The following BRD8 variants were observed in gnomAD, a reference collection of about 807,000 sequenced individuals.
The protein encoded by BRD8 is bromodomain containing 8, also known as bromodomain-containing protein 8.
A neutral mutation model predicts 143.1 loss-of-function variants in BRD8; 67 were observed. That is an observed-to-expected ratio of 0.47 (90% CI 0.38 to 0.57). BRD8 has a LOEUF of 0.57. Among genes scored for constraint, BRD8 ranks in the 20% least tolerant of loss-of-function variants. BRD8 has a pLI of 0.00. For synonymous variants in BRD8, 505 were observed against 517.1 expected, an observed-to-expected ratio of 0.98 and a Z score of 0.32; for missense variants, 1,103 against 1,503.0, an observed-to-expected ratio of 0.73 and a Z score of 4.40.
At chr5:138,142,760 A>G (rs1239142967) in intron 25 of BRD8, among the ~76,000 whole-genome samples, 2 of 52,964 alleles carry the variant, frequency 3.8e-5, no homozygotes, top group Non-Finnish European at 8.7e-5. Flanking sequence ...AGACTGTCTC[A>G]AAAAAAAAAA....
At position 138,177,687 on chromosome 5, in the gene BRD8, A is replaced by G. The variant is rs1355189332; in HGVS notation, c.20-20T>C. On this transcript the variant is annotated intron_variant, in intron 1 of 26. Transcript: ENST00000254900. ...TGTGTTCTGGGAAAGGGAGAAAAAA[A>G]AAAAAGCCTTGGAAACAACCACTGA... The G allele has an allele frequency of 6.6e-7, 1 of 1,521,016 alleles. No homozygotes were observed. The highest frequency in any genetic ancestry group is 9.0e-7 in the Non-Finnish European group (1 of 1,113,206). 94.2% of individuals were successfully genotyped at this position (1,521,016 alleles called of 1,614,324 possible).
chr5:138,142,850 G>A (rs1415998693), intron 25 of BRD8, among the ~76,000 whole-genome samples: 2 of 151,694 alleles, frequency 1.3e-5, no homozygotes, highest in African/African-American at 4.8e-5. Flanking sequence ...AGGATTGCTT[G>A]AGACTACGAG....
At position 138,165,668 on chromosome 5, in the gene BRD8, G is replaced by GT. The variant is rs1753345620; in HGVS notation, c.1278+159dup. On this transcript the variant is annotated intron_variant, in intron 11 of 26. Transcript: ENST00000254900. Reference sequence around the variant, plus strand: ...TTGAGGCTGGGAGGCAGAGGTAACAGTAAGCCAAGATCGTGCCACTGCACT... The same window carrying GT: ...TTGAGGCTGGGAGGCAGAGGTAACAGTTAAGCCAAGATCGTGCCACTGCACT... Among the ~76,000 whole-genome samples the GT allele has an allele frequency of 4.7e-5, 7 of 148,264 alleles. No homozygotes were observed. The South Asian group carries it at 1.6e-3, about 33-fold the overall frequency.
At chr5:138,152,343 T>C (rs553676424) in intron 21 of BRD8, 139 bp downstream of exon 21, 11 of 1,194,168 alleles carry the variant, frequency 9.2e-6, no homozygotes, top group South Asian at 3.0e-5. Flanking sequence ...GCTGAGGACA[T>C]AGCAATGAAC....
intron 1 of BRD8, 91 bp downstream of exon 1, chr5:138,178,505 C>T (rs1198555212): frequency 1.5e-5 from 18 of 1,228,892 alleles, no homozygotes; most frequent in Non-Finnish European, 1.4e-5. Flanking sequence ...AAGCAACCCA[C>T]TTCTCCCACT....
At chr5:138,153,472 T>A (rs1217362281) in intron 20 of BRD8, among the ~76,000 whole-genome samples, 1 of 152,148 alleles carries the variant, frequency 6.6e-6, no homozygotes, top group Non-Finnish European at 1.5e-5. Context: ...TTGACCTCTA[T>A]TCAGGTGGCT....
intron 18 of BRD8, 92 bp downstream of exon 18, chr5:138,160,799 G>T: frequency 8.2e-7 from 1 of 1,217,362 alleles, no homozygotes; most frequent in Non-Finnish European, 1.1e-6. Context: ...CCACGTAAAA[G>T]CCACAGCAAC....
At chr5:138,172,888 TATATAATC>T (rs1413717642) in intron 2 of BRD8, 1 of 205,318 alleles carries the variant, frequency 4.9e-6, no homozygotes, top group Non-Finnish European at 1.0e-5. Flanking sequence ...GCATATATAG[TATATAATC>T]ATTTGTGTTA....
At chr5:138,140,941 C>A in intron 25 of BRD8, 59 bp from the exon 26 acceptor site, 1 of 1,561,478 alleles carries the variant, frequency 6.4e-7, no homozygotes, top group Non-Finnish European at 8.8e-7. Context: ...CATATGATAA[C>A]CTAACACGTT....
At chr5:138,176,220 T>TAA (rs1162470247) in intron 2 of BRD8, among the ~76,000 whole-genome samples, 4 of 151,510 alleles carry the variant, frequency 2.6e-5, no homozygotes, top group African/African-American at 9.7e-5. Context: ...GTCAAGTGAT[T>TAA]AAAAAAAACA....
chr5:138,152,844 A>C (rs1420453235), intron 20 of BRD8, 84 bp from the exon 21 acceptor site: 4 of 1,424,144 alleles, frequency 2.8e-6, no homozygotes, highest in Non-Finnish European at 2.8e-6. Flanking sequence ...TCAGTAGAAA[A>C]ATAAGGGGCC....
At chr5:138,142,172 C>A (rs1262867718) in intron 25 of BRD8, among the ~76,000 whole-genome samples, 1 of 152,110 alleles carries the variant, frequency 6.6e-6, no homozygotes. Context: ...TCCCTTCTGC[C>A]ATGTGAGGAT....
Position 138,164,868 on chromosome 5 carries a change from G to A in BRD8, c.1577C>T (p.Ala526Val), listed in dbSNP as rs750298462. 3 of 1,614,074 alleles carry A rather than the reference G, an allele frequency of 1.9e-6. No homozygotes were observed. The highest frequency in any genetic ancestry group is 1.1e-5 in the South Asian group (1 of 91,092). The change falls in exon 12 of 27, where the codon GCT becomes GTT. Residue 526 changes from alanine to valine, a missense_variant. Ala to Val is a moderately conservative substitution (Grantham distance 64). Around this residue, in one of 7 missense-constraint regions of BRD8, gnomAD observed 139 missense variants for 139.0 expected, o/e 1.00. Transcript: ENST00000254900. ...CATACTTGTGGCTGGAACAACTCCA[G>A]CTACTATTTCGGCTCCTGAAATGAC... ...EPVISGAEIV[A>V]GVVPATSMEP...
At chr5:138,145,913 A>G in intron 23 of BRD8, 35 bp from the exon 24 acceptor site, 1 of 1,550,692 alleles carries the variant, frequency 6.4e-7, no homozygotes, top group Non-Finnish European at 8.9e-7. Flanking sequence ...AGAGACAGTA[A>G]CTTCACAAAT....
At position 138,163,163 on chromosome 5, in the gene BRD8, T is replaced by A; in HGVS notation, c.2054A>T (p.Asp685Val). 1 of 1,613,874 alleles carries A rather than the reference T, an allele frequency of 6.2e-7. No homozygotes were observed. Among genetic ancestry groups the A allele is most frequent in the Non-Finnish European group, 8.5e-7 (1 of 1,179,994 alleles). ...NATLQSHTLA[D>V]SIPSSPASSQ... ...AGAAGCAGGGCTGCTGGGGATGGAG[T>A]CTGCCAGTGTGTGTGACTGCAGTGT... is the stretch of plus-strand genomic sequence containing the variant. Residue 685 changes from aspartate (D) to valine (V), a missense_variant, in exon 15 of 27, where the codon GAC (aspartate) becomes GTC (valine). By Grantham distance (152) the Asp-to-Val change is radical (BLOSUM62 -3). Around this residue, in one of 7 missense-constraint regions of BRD8, gnomAD observed 75 missense variants for 111.7 expected, o/e 0.67. Coordinates refer to ENST00000254900, the MANE Select transcript of BRD8 (RefSeq NM_139199.2).
chr5:138,175,039 G>A (rs7709211), intron 2 of BRD8, among the ~76,000 whole-genome samples: 4,162 of 152,088 alleles, frequency 0.027, 149 homozygotes, highest in African/African-American at 0.076. Context: ...ACAGGCGCAC[G>A]CCGCCACACC....
intron 2 of BRD8, 66 bp downstream of exon 2, chr5:138,177,505 T>C: frequency 2.1e-6 from 2 of 930,490 alleles, no homozygotes; most frequent in South Asian, 1.3e-5. Context: ...TATAGAAATC[T>C]ACCGATGTGA....
At chr5:138,161,464 C>T (rs1023796710) in intron 17 of BRD8, among the ~76,000 whole-genome samples, 11 of 151,994 alleles carry the variant, frequency 7.2e-5, no homozygotes, top group Admixed American at 2.0e-4. Flanking sequence ...TACAAATGCG[C>T]GACACCACAC....
Position 138,160,984 on chromosome 5 carries a change from C to T in BRD8, c.2334G>A (p.Leu778=), listed in dbSNP as rs535327439. ...TGTACATTACAGCATTCTGAAACATCAGCATAATGTCACGCTGAAATTCAG... is the reference window on the plus strand; with the variant it reads ...TGTACATTACAGCATTCTGAAACATTAGCATAATGTCACGCTGAAATTCAG... ...STAEFQRDIM[L]MFQNAVMYNS... Residue 778 remains leucine (L), a synonymous_variant, in exon 18 of 27, where the codon CTG becomes CTA. Transcript: ENST00000254900. The T allele has an allele frequency of 1.7e-5, 28 of 1,613,962 alleles. No individual in the cohort carries two copies. The highest frequency in any genetic ancestry group is 2.2e-5 in the East Asian group (1 of 44,862).
Sources: gnomAD v4.1 joint callset for allele counts (sites outside exome capture counted in the v4.1 genomes callset) on GRCh38, gnomAD v4.1.1 for gene constraint, gnomAD v4.1.1 regional missense constraint, MANE v1.5 for transcripts, NCBI Gene and HGNC (gene_info 2026-07-23, HGNC 2026-07-21) for gene names.